Variants in DLGAP4 observed in about 807,000 individuals in gnomAD.
The protein encoded by DLGAP4 is disks large-associated protein 4.
DLGAP4 carries 18 observed loss-of-function variants against 86.9 expected under a neutral mutation model. That is an observed-to-expected ratio of 0.21 (90% CI 0.14 to 0.31). The LOEUF (loss-of-function observed/expected upper bound fraction) is 0.31, where lower values mean the gene tolerates loss of function less well. Among genes scored for constraint, DLGAP4 ranks in the 10% least tolerant of loss-of-function variants. The pLI is 1.00. For missense variants in DLGAP4, 1,085 were observed against 1,362.6 expected, an observed-to-expected ratio of 0.80 and a Z score of 3.21; for synonymous variants, 548 against 574.3, an observed-to-expected ratio of 0.95 and a Z score of 0.65.
intron 7 of DLGAP4, among the ~76,000 whole-genome samples, chr20:36,476,687 A>ATTT (rs74173983): frequency 4.5e-3 from 414 of 91,408 alleles, no homozygotes; most frequent in Middle Eastern, 0.028. Flanking sequence ...CACTAGCCCA[A>ATTT]TTTTTTTTTT....
chr20:36,445,548 C>T (rs1045093503), intron 6 of DLGAP4, among the ~76,000 whole-genome samples: 1 of 152,216 alleles, frequency 6.6e-6, no homozygotes, highest in Non-Finnish European at 1.5e-5. Flanking sequence ...CATCCACCCT[C>T]CAAATTGGGT....
chr20:36,335,153 G>C (rs1487017341), intron 1 of DLGAP4, among the ~76,000 whole-genome samples: 2 of 152,156 alleles, frequency 1.3e-5, no homozygotes, highest in South Asian at 4.1e-4. Flanking sequence ...TTTTGAGATG[G>C]GGGCTGTGAA....
intron 2 of DLGAP4, among the ~76,000 whole-genome samples, chr20:36,418,651 C>T (rs1341260545): frequency 2.0e-5 from 3 of 152,100 alleles, no homozygotes; most frequent in African/African-American, 7.2e-5. Context: ...CTACCGAGCC[C>T]CCACCCCCTG....
intron 7 of DLGAP4, among the ~76,000 whole-genome samples, chr20:36,465,842 C>T (rs2034326760): frequency 6.6e-6 from 1 of 152,130 alleles, no homozygotes; most frequent in African/African-American, 2.4e-5. Flanking sequence ...GTTGCCTGTC[C>T]TTTCCCGCTT....
At chr20:36,347,295 G>T (rs562591805) in intron 1 of DLGAP4, among the ~76,000 whole-genome samples, 160 of 152,304 alleles carry the variant, frequency 1.1e-3, no homozygotes, top group Admixed American at 1.8e-3. Flanking sequence ...GATCAGATTA[G>T]AAGCAAGGCT....
At chr20:36,514,810 C>G (rs1213502717) in intron 10 of DLGAP4, among the ~76,000 whole-genome samples, 3 of 152,040 alleles carry the variant, frequency 2.0e-5, no homozygotes, top group Non-Finnish European at 2.9e-5. Context: ...GGAGAGAAAA[C>G]AGGCAACTGT....
At chr20:36,462,494 T>C in intron 7 of DLGAP4, 1 of 1,595,462 alleles carries the variant, frequency 6.3e-7, no homozygotes, top group Middle Eastern at 1.7e-4. Context: ...TCTCCCCTTC[T>C]CTCTGCTCCT....
chr20:36,315,057 C>CTGTG lies in DLGAP4; in HGVS notation c.-304+8545_-304+8546insTGTG, dbSNP rs1237863329. ...GTGTGTGTGGTGTGTTGCGCCCCCCCGTGTGTGGTGTGATGTGTGTGTTAT... is the reference window on the plus strand; with the variant it reads ...GTGTGTGTGGTGTGTTGCGCCCCCCCTGTGGTGTGTGGTGTGATGTGTGTGTTAT... On this transcript the variant is annotated intron_variant, in intron 1 of 12. Coordinates refer to ENST00000339266, the MANE Select transcript of DLGAP4 (RefSeq NM_001365621.2). 4.9e-4 allele frequency among the ~76,000 whole-genome samples: 68 copies of CTGTG among 139,968 alleles called. 1 individual carries two copies. The East Asian group carries it at 0.013, about 28-fold the overall frequency. 91.8% of individuals were successfully genotyped at this position (139,968 alleles called of 152,430 possible).
Position 36,500,145 on chromosome 20 carries a change from C to A in DLGAP4, c.2100-54C>A. 1 of 1,496,964 alleles carries A rather than the reference C, an allele frequency of 6.7e-7. No homozygotes were observed. The highest frequency in any genetic ancestry group is 8.9e-7 in the Non-Finnish European group (1 of 1,121,048). The allele number at this position is 1,496,964 out of a possible 1,614,324, so 92.7% of individuals were successfully genotyped here. A position where few individuals can be genotyped will look rare whatever the true frequency, so the allele number is the denominator to read the frequency against. On this transcript the variant is annotated intron_variant, in intron 9 of 12. Coordinates refer to ENST00000339266, the MANE Select transcript of DLGAP4 (RefSeq NM_001365621.2). The surrounding 1 kb of genome is among the most constrained non-coding windows in gnomAD (Gnocchi z 4.6). ...GTCAAGGCGGCCTCTGGTCTCTGGC[C>A]CTCTTGGTGACTCACTCCTTCCTGT...
intron 2 of DLGAP4, among the ~76,000 whole-genome samples, chr20:36,420,155 A>G (rs1348837470): frequency 6.6e-6 from 1 of 152,216 alleles, no homozygotes; most frequent in Non-Finnish European, 1.5e-5. Flanking sequence ...GGCGTCCCCA[A>G]GGCCTTCCAC....
chr20:36,317,229 TTCTTTC>T (rs2065110555), intron 1 of DLGAP4, among the ~76,000 whole-genome samples: 2 of 36,902 alleles, frequency 5.4e-5, no homozygotes. Flanking sequence ...CCTTTTTTCT[TTCTTTC>T]TTTCTTTCTT....
rs750688838 is a variant in DLGAP4 at position 36,496,771 on chromosome 20, C to T, written c.1715C>T (p.Pro572Leu). The T allele has an allele frequency of 2.6e-5, 42 of 1,614,038 alleles. No homozygotes were observed. Among genetic ancestry groups the T allele is most frequent in the South Asian group, 8.8e-5 (8 of 91,086 alleles). The change falls in exon 8 of 13, where the codon CCG becomes CTG. Residue 572 changes from proline to leucine, a missense_variant. Pro to Leu is a moderately conservative substitution (Grantham distance 98). Around this residue, in one of 2 missense-constraint regions of DLGAP4, gnomAD observed 1,082 missense variants for 1,344.1 expected, o/e 0.81. Transcript: ENST00000339266. The stretch of plus-strand genomic sequence containing the variant: ...GTCCCTCCACGCACCACTTCAAAGC[C>T]GTTCATCTCAGTCACAGTCCAGAGC... ...PPVPPRTTSKPFISVTVQSST... is the reference protein window; with the variant it reads ...PPVPPRTTSKLFISVTVQSST...
intron 1 of DLGAP4, among the ~76,000 whole-genome samples, chr20:36,316,529 T>TG (rs1331926854): frequency 6.6e-6 from 1 of 152,082 alleles, no homozygotes; most frequent in Non-Finnish European, 1.5e-5. Flanking sequence ...CCCAACCACA[T>TG]GGGTCACCCT....
At chr20:36,321,735 T>C (rs1434853408) in intron 1 of DLGAP4, among the ~76,000 whole-genome samples, 2 of 151,272 alleles carry the variant, frequency 1.3e-5, no homozygotes, top group African/African-American at 4.9e-5. Flanking sequence ...GGGGGAAAGG[T>C]GGGGGTCCCA....
At chr20:36,526,239 A>G (rs1392371874) in intron 12 of DLGAP4, 4 of 638,234 alleles carry the variant, frequency 6.3e-6, no homozygotes, top group Non-Finnish European at 1.1e-5. Context: ...TGTCCAGAAA[A>G]GGGGATCCTG....
intron 10 of DLGAP4, among the ~76,000 whole-genome samples, chr20:36,521,616 C>G (rs978894966): frequency 1.3e-5 from 2 of 152,132 alleles, no homozygotes; most frequent in Non-Finnish European, 2.9e-5. Context: ...CCTCCTCTCC[C>G]TGTAGGGCTC....
intron 2 of DLGAP4, among the ~76,000 whole-genome samples, chr20:36,401,142 C>T (rs942725875): frequency 6.6e-6 from 1 of 152,174 alleles, no homozygotes; most frequent in Non-Finnish European, 1.5e-5. Flanking sequence ...AAACAGCACC[C>T]ATCCAATCCT....
chr20:36,320,386 T>G (rs936642310), intron 1 of DLGAP4, among the ~76,000 whole-genome samples: 3 of 151,522 alleles, frequency 2.0e-5, no homozygotes, highest in African/African-American at 7.3e-5. Context: ...GGGTGGGAGC[T>G]CAGGCAATGG....
chr20:36,317,267 CT>C (rs2065113357), intron 1 of DLGAP4, among the ~76,000 whole-genome samples: 5 of 41,114 alleles, frequency 1.2e-4, no homozygotes, highest in African/African-American at 3.6e-4. Flanking sequence ...TTCTTTCTTT[CT>C]TTCTTTCTTA....
Sources: gnomAD v4.1 joint callset for allele counts (sites outside exome capture counted in the v4.1 genomes callset) on GRCh38, gnomAD v4.1.1 for gene constraint, gnomAD v4.1.1 regional missense constraint, Gnocchi (gnomAD v3.1) non-coding constraint, MANE v1.5 for transcripts, NCBI Gene and HGNC (gene_info 2026-07-23, HGNC 2026-07-21) for gene names.